Variants in PPP2R2B observed in about 807,000 individuals in gnomAD.
PPP2R2B encodes protein phosphatase 2 regulatory subunit Bbeta.
A neutral mutation model predicts 46.0 loss-of-function variants in PPP2R2B; 5 were observed. That is an observed-to-expected ratio of 0.11 (90% CI 0.06 to 0.23). The LOEUF (loss-of-function observed/expected upper bound fraction) is 0.23. Among genes scored for constraint, PPP2R2B ranks in the 10% least tolerant of loss-of-function variants. The probability of loss-of-function intolerance (pLI) is 1.00; values close to 1 mark genes in which losing one functional copy is unlikely to be tolerated. For missense variants in PPP2R2B, 367 were observed against 575.0 expected (o/e 0.64, Z 3.70); for synonymous variants, 215 against 206.7 (o/e 1.04, Z -0.34).
At chr5:146,821,275 T>C (rs1758246134) in intron 2 of PPP2R2B, among the ~76,000 whole-genome samples, 1 of 152,112 alleles carries the variant, frequency 6.6e-6, no homozygotes, top group African/African-American at 2.4e-5. Flanking sequence ...AATACCATAC[T>C]CTTCTCTCCC....
At chr5:146,947,785 G>C (rs1162551163) in intron 1 of PPP2R2B, among the ~76,000 whole-genome samples, 1 of 151,796 alleles carries the variant, frequency 6.6e-6, no homozygotes, top group East Asian at 2.0e-4. Context: ...GCCGCTGTAA[G>C]TGAACTTGGC....
At chr5:146,707,551 G>T in intron 2 of PPP2R2B, 1 of 717,784 alleles carries the variant, frequency 1.4e-6, no homozygotes. Flanking sequence ...AGAAGGCCCG[G>T]GTGCCAGAGG....
intron 1 of PPP2R2B, among the ~76,000 whole-genome samples, chr5:146,996,907 C>T (rs1029648318): frequency 2.0e-5 from 3 of 152,106 alleles, no homozygotes; most frequent in African/African-American, 7.2e-5. Context: ...TCTCTCCCTC[C>T]AGGCCTGCCC....
rs1235429157 is a variant in PPP2R2B at position 146,588,849 on chromosome 5, A to ACAACT, written c.*1093_*1097dup. 2.0e-5 allele frequency: 3 copies of ACAACT among 152,168 alleles called. No individual in the cohort carries two copies. The highest frequency in any genetic ancestry group is 4.8e-5 in the African/African-American group (2 of 41,450). 9.4% of individuals were successfully genotyped at this position (152,168 alleles called of 1,614,324 possible). On this transcript the variant is annotated 3_prime_UTR_variant, in exon 10 of 10. Transcript: ENST00000394411. ...AGTTAGAAGTGCCTGATTGGACTTC[A>ACAACT]CAACTCAGCGTTTTTATTGGCTATT...
In PPP2R2B at chr5:146,585,321, G is replaced by A. The variant is rs1302072336; in HGVS notation, c.*4626C>T. The A allele has an allele frequency of 6.6e-6, 1 of 151,052 alleles. No homozygotes were observed. Among genetic ancestry groups the A allele is most frequent in the Non-Finnish European group, 1.5e-5 (1 of 68,148 alleles). 9.4% of individuals were successfully genotyped at this position (151,052 alleles called of 1,614,324 possible). A position where few individuals can be genotyped will look rare whatever the true frequency, so the allele number is the denominator to read the frequency against. On this transcript the variant is annotated 3_prime_UTR_variant, in exon 10 of 10. Coordinates refer to ENST00000394411, the MANE Select transcript of PPP2R2B (RefSeq NM_181675.4). ...ACACACATAATGTATGATGGGGATA[G>A]TGGATAAGAACTTTAACTAAAACTG...
At chr5:146,732,331 T>G (rs1423156210) in intron 2 of PPP2R2B, among the ~76,000 whole-genome samples, 1 of 152,238 alleles carries the variant, frequency 6.6e-6, no homozygotes, top group Non-Finnish European at 1.5e-5. Context: ...ATAGCACTGA[T>G]AAATGATAAT....
chr5:146,973,678 AGGCTAGGATTCTTTAAGGTGGTACAT>A (rs1253552517), intron 1 of PPP2R2B, among the ~76,000 whole-genome samples: 1 of 152,212 alleles, frequency 6.6e-6, no homozygotes, highest in East Asian at 1.9e-4. Context: ...ATAGTATTTG[AGGCTAGGATTCTTTAAGGTGGTACAT>A]GGGCACATTG....
intron 5 of PPP2R2B, among the ~76,000 whole-genome samples, chr5:146,683,217 C>A (rs755147746): frequency 1.7e-4 from 26 of 152,208 alleles, no homozygotes; most frequent in Non-Finnish European, 3.2e-4. Context: ...GAAAGCCCAC[C>A]TGTGCCCAAG....
chr5:146,908,967 G>A (rs536553060), intron 1 of PPP2R2B, among the ~76,000 whole-genome samples: 1 of 152,206 alleles, frequency 6.6e-6, no homozygotes, highest in Admixed American at 6.5e-5. Flanking sequence ...AGCTCAGATC[G>A]TGTTTTTCAT....
At chr5:146,822,318 C>T (rs1209736977) in intron 2 of PPP2R2B, among the ~76,000 whole-genome samples, 2 of 152,122 alleles carry the variant, frequency 1.3e-5, no homozygotes, top group African/African-American at 4.8e-5. Context: ...TCCTTGCTCT[C>T]CAAATAAAAT....
intron 5 of PPP2R2B, among the ~76,000 whole-genome samples, chr5:146,685,840 T>C (rs929706708): frequency 6.6e-6 from 1 of 152,196 alleles, no homozygotes; most frequent in Non-Finnish European, 1.5e-5. Flanking sequence ...GCATCCCTTG[T>C]GTACCCACCC....
At chr5:146,656,020 G>A (rs973769) in intron 5 of PPP2R2B, among the ~76,000 whole-genome samples, 10,553 of 152,184 alleles carry the variant, frequency 0.069, 534 homozygotes, top group East Asian at 0.21. Flanking sequence ...TCTGGGGTGA[G>A]GTCAGTGATT....
At chr5:146,996,596 C>T (rs1444351152) in intron 1 of PPP2R2B, among the ~76,000 whole-genome samples, 1 of 152,066 alleles carries the variant, frequency 6.6e-6, no homozygotes, top group East Asian at 1.9e-4. Flanking sequence ...AGAATGATTT[C>T]AGTAGGGCCA....
chr5:146,602,457 G>T (rs1455419007), intron 7 of PPP2R2B, among the ~76,000 whole-genome samples: 1 of 152,090 alleles, frequency 6.6e-6, no homozygotes, highest in Non-Finnish European at 1.5e-5. Flanking sequence ...AATTATTTTT[G>T]ACCTACAAAG....
chr5:146,623,223 T>C (rs530101166), intron 7 of PPP2R2B, among the ~76,000 whole-genome samples: 9 of 152,236 alleles, frequency 5.9e-5, no homozygotes, highest in Non-Finnish European at 8.8e-5. Context: ...TCAGAACTTT[T>C]GGGTACACAT....
intron 2 of PPP2R2B, among the ~76,000 whole-genome samples, chr5:147,067,228 G>A (rs1757439736): frequency 6.6e-6 from 1 of 152,096 alleles, no homozygotes; most frequent in South Asian, 2.1e-4. Flanking sequence ...ACAATACCTT[G>A]TTATTGACTA....
intron 1 of PPP2R2B, among the ~76,000 whole-genome samples, chr5:147,042,048 G>A (rs1756335159): frequency 6.6e-6 from 1 of 152,044 alleles, no homozygotes; most frequent in Admixed American, 6.5e-5. Context: ...AGATACTGTG[G>A]CGAGCTATAT....
At chr5:146,615,410 C>T (rs1374046907) in intron 7 of PPP2R2B, among the ~76,000 whole-genome samples, 2 of 107,192 alleles carry the variant, frequency 1.9e-5, no homozygotes, top group African/African-American at 3.9e-5. Flanking sequence ...CTAGATGACA[C>T]GTTAGTGGGT....
At chr5:146,890,854 AG>A (rs1460684837) in intron 1 of PPP2R2B, among the ~76,000 whole-genome samples, 1 of 152,192 alleles carries the variant, frequency 6.6e-6, no homozygotes, top group Non-Finnish European at 1.5e-5. Context: ...GATCCTTTTG[AG>A]AATTTAATGA....
Sources: allele counts gnomAD v4.1 joint callset (sites outside exome capture counted in the v4.1 genomes callset), GRCh38; gene constraint gnomAD v4.1.1; transcripts MANE v1.5; gene names NCBI Gene and HGNC (gene_info 2026-07-23, HGNC 2026-07-21).